Variants in PSAP observed in about 807,000 individuals in gnomAD.
The protein encoded by PSAP is precursor of saposins.
PSAP carries 25 observed loss-of-function variants against 66.0 expected under a neutral mutation model. The observed-to-expected ratio is 0.38, with a 90% CI of 0.28 to 0.53. The LOEUF (loss-of-function observed/expected upper bound fraction) is 0.53. Ranked by LOEUF, PSAP falls within the 20% of genes least tolerant of loss-of-function variation. The pLI is 0.83. For synonymous variants in PSAP, 273 were observed against 258.9 expected, an observed-to-expected ratio of 1.05 and a Z score of -0.52; for missense variants, 649 against 668.8, an observed-to-expected ratio of 0.97 and a Z score of 0.33.
chr10:71,837,432 T>C (rs1447772570), intron 1 of PSAP, among the ~76,000 whole-genome samples: 2 of 152,252 alleles, frequency 1.3e-5, no homozygotes, highest in African/African-American at 4.8e-5. Flanking sequence ...CATGGATCCC[T>C]TTCCCAGAAA....
chr10:71,820,136 T>C lies in PSAP; in HGVS notation c.1005+104A>G, dbSNP rs1842269337. On this transcript the variant is annotated intron_variant, in intron 9 of 13. Transcript: ENST00000394936. The stretch of plus-strand genomic sequence containing the variant: ...CGAGATGGGGACATGGCTGTACACA[T>C]GTCAAGGCTGGGCCAAGCCCTCTCT... The C allele has an allele frequency of 1.2e-5, 13 of 1,103,438 alleles. 2 individuals are homozygous for C. In the South Asian group the frequency reaches 1.5e-4, roughly 13 times the overall value. The allele number at this position is 1,103,438 out of a possible 1,614,324, so 68.4% of individuals were successfully genotyped here.
At position 71,817,478 on chromosome 10, in the gene PSAP, T is replaced by C; in HGVS notation, c.1540-2A>G. On this transcript the variant is annotated splice_acceptor_variant, in intron 13 of 13. Transcript: ENST00000394936. LOFTEE classifies it high-confidence loss of function. Reference sequence around the variant, plus strand: ...ATGGCGTTTGCAATGCTCGACAGCCTGGTAGGAGAGAGGAAGCTGAGTTTA... The same window carrying C: ...ATGGCGTTTGCAATGCTCGACAGCCCGGTAGGAGAGAGGAAGCTGAGTTTA... The C allele has an allele frequency of 6.2e-7, 1 of 1,614,104 alleles. No individual in the cohort carries two copies.
At chr10:71,843,803 T>C (rs951373433) in intron 1 of PSAP, among the ~76,000 whole-genome samples, 1 of 152,204 alleles carries the variant, frequency 6.6e-6, no homozygotes, top group Non-Finnish European at 1.5e-5. Context: ...GTGGAAAAAC[T>C]GGTAAAAATC....
intron 4 of PSAP, 119 bp downstream of exon 4, chr10:71,831,007 C>T: frequency 6.9e-7 from 1 of 1,452,954 alleles, no homozygotes. Flanking sequence ...TAGCAAAATG[C>T]TGTTGAGGAA....
intron 7 of PSAP, among the ~76,000 whole-genome samples, chr10:71,825,460 G>C (rs1842383648): frequency 6.6e-6 from 1 of 152,254 alleles, no homozygotes; most frequent in South Asian, 2.1e-4. Flanking sequence ...CCGGGAGGCA[G>C]TATTCCCCCG....
chr10:71,822,087 G>C (rs1842312277), intron 7 of PSAP, 80 bp from the exon 8 acceptor site: 1 of 1,600,652 alleles, frequency 6.2e-7, no homozygotes, highest in African/African-American at 1.3e-5. Context: ...AGAGGACAGG[G>C]AGCTGGACAG....
intron 1 of PSAP, among the ~76,000 whole-genome samples, chr10:71,838,861 G>A (rs767740887): frequency 6.6e-6 from 1 of 152,140 alleles, no homozygotes; most frequent in African/African-American, 2.4e-5. Context: ...TTCTATATAA[G>A]AGGGATCCTT....
In PSAP at chr10:71,851,107, C is replaced by T. The variant is rs1404529830; in HGVS notation, c.40+75G>A. 3.3e-6 allele frequency: 5 copies of T among 1,512,126 alleles called. No homozygotes were observed. The South Asian group carries it at 4.8e-5, about 15-fold the overall frequency. The allele number at this position is 1,512,126 out of a possible 1,614,324, so 93.7% of individuals were successfully genotyped here. A position where few individuals can be genotyped will look rare whatever the true frequency, so the allele number is the denominator to read the frequency against. On this transcript the variant is annotated intron_variant, in intron 1 of 13. Coordinates refer to ENST00000394936, the MANE Select transcript of PSAP (RefSeq NM_002778.4). ...GGGCAGGGGGAGCAGAGGGGCCAGG[C>T]CCGGCACAGCCCATTCTGGGGCAGA...
At chr10:71,840,756 T>C (rs1431150669) in intron 1 of PSAP, among the ~76,000 whole-genome samples, 7 of 152,200 alleles carry the variant, frequency 4.6e-5, no homozygotes, top group African/African-American at 1.7e-4. Flanking sequence ...CGCTTCTTAA[T>C]TTTCCTTACA....
intron 1 of PSAP, among the ~76,000 whole-genome samples, chr10:71,849,761 G>A (rs1479673123): frequency 6.6e-6 from 1 of 151,934 alleles, no homozygotes; most frequent in African/African-American, 2.4e-5. Context: ...CTCCCACCTC[G>A]GTGTCCCAAT....
intron 8 of PSAP, among the ~76,000 whole-genome samples, chr10:71,820,776 T>A (rs556317006): frequency 1.6e-3 from 246 of 152,358 alleles, no homozygotes; most frequent in African/African-American, 5.2e-3. Context: ...TCTGCTCGTG[T>A]GTCTCCCATG....
intron 4 of PSAP, 71 bp downstream of exon 4, chr10:71,831,055 C>T: frequency 6.3e-7 from 1 of 1,599,864 alleles, no homozygotes; most frequent in Non-Finnish European, 8.5e-7. Flanking sequence ...TTTAATCAAT[C>T]TACTCTGGGC....
chr10:71,825,683 T>C (rs888633997), intron 7 of PSAP, 154 bp downstream of exon 7: 1 of 731,604 alleles, frequency 1.4e-6, no homozygotes, highest in South Asian at 1.5e-5. Context: ...AGATTGCAAG[T>C]GGAGAGTCTC....
rs546024265 is a variant in PSAP at position 71,850,239 on chromosome 10, C to A, written c.40+943G>T. On this transcript the variant is annotated intron_variant, in intron 1 of 13. Transcript: ENST00000394936. ...CTAAGAGCCAGTCACCCTTTCATTTCCATAGAAATATTTTACAACGTGCTC... is the reference window on the plus strand; with the variant it reads ...CTAAGAGCCAGTCACCCTTTCATTTACATAGAAATATTTTACAACGTGCTC... 9.9e-5 allele frequency among the ~76,000 whole-genome samples: 15 copies of A among 152,180 alleles called. No individual in the cohort carries two copies. The South Asian group carries it at 2.1e-3, about 21-fold the overall frequency.
intron 1 of PSAP, among the ~76,000 whole-genome samples, chr10:71,846,717 G>A (rs1370145867): frequency 4.4e-5 from 5 of 113,410 alleles, no homozygotes; most frequent in African/African-American, 1.7e-4. Flanking sequence ...GGGCAACAGA[G>A]TAAGACCCTG....
Position 71,828,859 on chromosome 10 carries a change from G to T in PSAP, c.576+18C>A. ...TGCAACCAAAAATGGGTCCTCAGTG[G>T]CCAGCCCGTTGTCTTACCTTTGGCT... On this transcript the variant is annotated intron_variant, in intron 5 of 13. Transcript: ENST00000394936. 1 of 1,613,458 alleles carries T rather than the reference G, an allele frequency of 6.2e-7. No homozygotes were observed. Among genetic ancestry groups the T allele is most frequent in the Middle Eastern group, 1.7e-4 (1 of 5,718 alleles).
chr10:71,833,877 C>G (rs1244464045), intron 2 of PSAP, among the ~76,000 whole-genome samples: 1 of 152,258 alleles, frequency 6.6e-6, no homozygotes, highest in African/African-American at 2.4e-5. Context: ...GGATCTCAAT[C>G]AGCAGTTTGC....
At chr10:71,843,511 G>A (rs552046134) in intron 1 of PSAP, among the ~76,000 whole-genome samples, 24 of 152,266 alleles carry the variant, frequency 1.6e-4, no homozygotes, top group African/African-American at 5.8e-4. Flanking sequence ...AACTTTCTCT[G>A]CGTCTTCTTC....
chr10:71,840,330 C>CT (rs1276407650), intron 1 of PSAP, among the ~76,000 whole-genome samples: 1 of 152,162 alleles, frequency 6.6e-6, no homozygotes, highest in Non-Finnish European at 1.5e-5. Flanking sequence ...GAGAGGATAA[C>CT]CCCTGGAGGA....
Sources: allele counts gnomAD v4.1 joint callset (sites outside exome capture counted in the v4.1 genomes callset), GRCh38; gene constraint gnomAD v4.1.1; transcripts MANE v1.5; gene names NCBI Gene and HGNC (gene_info 2026-07-23, HGNC 2026-07-21).